The following CELF2 variants were observed in gnomAD, a reference collection of about 807,000 sequenced individuals.
The protein encoded by CELF2 is CUGBP Elav-like family member 2.
In CELF2, 8 loss-of-function variants were observed where a neutral mutation model predicts 62.6. The ratio of observed to expected loss-of-function variants is 0.13; its 90% confidence interval spans 0.07 to 0.23. The LOEUF is 0.23. Among genes scored for constraint, CELF2 ranks in the 10% least tolerant of loss-of-function variants. The pLI, the probability that CELF2 is intolerant of heterozygous loss-of-function variation, is 1.00. For synonymous variants in CELF2, 258 were observed against 250.0 expected (o/e 1.03, Z -0.30); for missense variants, 333 against 671.0 (o/e 0.50, Z 5.56).
intron 1 of CELF2, among the ~76,000 whole-genome samples, chr10:10,841,871 A>G (rs1404669971): frequency 6.6e-6 from 1 of 152,116 alleles, no homozygotes; most frequent in Non-Finnish European, 1.5e-5. Context: ...GAATCTATAA[A>G]TCAAATTGGG....
At chr10:11,009,332 TGTGTGC>T (rs58501351) in intron 1 of CELF2, among the ~76,000 whole-genome samples, 35,032 of 151,510 alleles carry the variant, frequency 0.23, 7,414 homozygotes, top group African/African-American at 0.57. Flanking sequence ...TGTGTGTGTG[TGTGTGC>T]GCGTGTGTGT....
chr10:10,852,529 T>G (rs1470618971), intron 1 of CELF2, among the ~76,000 whole-genome samples: 1 of 152,196 alleles, frequency 6.6e-6, no homozygotes, highest in African/African-American at 2.4e-5. Context: ...GTATCTTGAC[T>G]GGGTGGTAGA....
the CELF2 span, among the ~76,000 whole-genome samples, chr10:10,729,327 C>T: frequency 1.7e-4 from 26 of 152,190 alleles, no homozygotes; most frequent in African/African-American, 5.8e-4. Flanking sequence ...AGAAATACAG[C>T]GAATCAAATA....
chr10:10,646,389 A>T, the CELF2 span, among the ~76,000 whole-genome samples: 30 of 152,222 alleles, frequency 2.0e-4, no homozygotes, highest in African/African-American at 7.0e-4. Flanking sequence ...GCTCATCCAC[A>T]AATCTCTCGT....
Position 11,255,559 on chromosome 10 carries a change from C to T in CELF2, c.404-2179C>T, listed in dbSNP as rs1451289598. 1.3e-5 allele frequency among the ~76,000 whole-genome samples: 2 copies of T among 152,146 alleles called. No homozygotes were observed. Among genetic ancestry groups the T allele is most frequent in the African/African-American group, 4.8e-5 (2 of 41,436 alleles). ...TTCTCAAACACCTGGGTGCACGATT[C>T]GTAGTTTACAAGTATTGTGGAATCG... On this transcript the variant is annotated intron_variant, in intron 4 of 12. Coordinates refer to ENST00000633077, the MANE Select transcript of CELF2 (RefSeq NM_001326342.2). This position sits in a 1 kb window ranked among gnomAD's most constrained non-coding sequence, Gnocchi z 5.5.
the CELF2 span, among the ~76,000 whole-genome samples, chr10:10,759,828 G>A: frequency 6.6e-6 from 1 of 152,176 alleles, no homozygotes; most frequent in South Asian, 2.1e-4. Flanking sequence ...ATCATACAGA[G>A]AAGACAAATT....
At chr10:10,904,623 G>C (rs1027414609) in intron 1 of CELF2, among the ~76,000 whole-genome samples, 1 of 152,124 alleles carries the variant, frequency 6.6e-6, no homozygotes, top group African/African-American at 2.4e-5. Flanking sequence ...CATAGCCATG[G>C]CCTTATTCCT....
intron 1 of CELF2, among the ~76,000 whole-genome samples, chr10:10,835,943 T>C (rs957913815): frequency 1.3e-5 from 2 of 152,050 alleles, no homozygotes; most frequent in African/African-American, 4.8e-5. Context: ...GGTAGTGCCG[T>C]TTATGAAAAT....
rs1338862441 is a variant in CELF2 at position 11,102,264 on chromosome 10, G to A, written c.75-63222G>A. 2.0e-5 allele frequency: 3 copies of A among 152,236 alleles called. No homozygotes were observed. The South Asian group carries it at 6.2e-4, about 32-fold the overall frequency. 9.4% of individuals were successfully genotyped at this position (152,236 alleles called of 1,614,324 possible). A position where few individuals can be genotyped will look rare whatever the true frequency, so the allele number is the denominator to read the frequency against. On this transcript the variant is annotated intron_variant, in intron 1 of 12. Transcript: ENST00000633077. ...AGTCCATGGCAAAAATAGGACTTCA[G>A]TGGATTTCAAGATACTTGCCCGACT...
At chr10:10,478,036 C>T in the CELF2 span, among the ~76,000 whole-genome samples, 1 of 152,234 alleles carries the variant, frequency 6.6e-6, no homozygotes, top group Admixed American at 6.5e-5. Context: ...CATTGACAAG[C>T]ATCAGTTAAA....
chr10:10,727,170 G>A, the CELF2 span, among the ~76,000 whole-genome samples: 1 of 152,144 alleles, frequency 6.6e-6, no homozygotes, highest in East Asian at 1.9e-4. Flanking sequence ...ATTTGTGTGG[G>A]GACACAGATC....
rs539000762 is a variant in CELF2 at position 10,952,773 on chromosome 10, G to A, written c.89+32774G>A. 3.3e-5 allele frequency among the ~76,000 whole-genome samples: 5 copies of A among 152,234 alleles called. No individual in the cohort carries two copies. In the South Asian group the frequency reaches 8.3e-4, roughly 25 times the overall value. On this transcript the variant is annotated intron_variant, in intron 2 of 13. Transcript: ENST00000636488. Reference sequence around the variant, plus strand: ...TTGTATAATGTAATTATGGCCAATGGCCTTATAGGAGAGAAGTGTAGTTGA... The same window carrying A: ...TTGTATAATGTAATTATGGCCAATGACCTTATAGGAGAGAAGTGTAGTTGA...
rs1008224838 is a variant in CELF2, at chr10:11,177,882, G to T, written c.271+12200G>T. On this transcript the variant is annotated intron_variant, in intron 2 of 12. Coordinates refer to ENST00000633077, the MANE Select transcript of CELF2 (RefSeq NM_001326342.2). This position sits in a 1 kb window ranked among gnomAD's most constrained non-coding sequence, Gnocchi z 4.8. Reference sequence around the variant, plus strand: ...GAGGCTGCGGAGAGTGTTGTAGGCAGTTGCAGTGCCCGTCACTCTCTGGGT... The same window carrying T: ...GAGGCTGCGGAGAGTGTTGTAGGCATTTGCAGTGCCCGTCACTCTCTGGGT... Among the ~76,000 whole-genome samples, 1 of 152,164 alleles carries T rather than the reference G, an allele frequency of 6.6e-6. No homozygotes were observed. Among genetic ancestry groups the T allele is most frequent in the African/African-American group, 2.4e-5 (1 of 41,424 alleles).
intron 2 of CELF2, among the ~76,000 whole-genome samples, chr10:11,208,364 A>G (rs778426000): frequency 3.9e-5 from 6 of 152,172 alleles, no homozygotes; most frequent in Non-Finnish European, 7.3e-5. Context: ...AGACCCAAAG[A>G]TACAGGGGAA....
the CELF2 span, among the ~76,000 whole-genome samples, chr10:10,690,800 A>C: frequency 9.1e-3 from 1,391 of 152,250 alleles, 23 homozygotes; most frequent in African/African-American, 0.032. Flanking sequence ...GAATCACTTG[A>C]ACTGGGGAGG....
chr10:10,848,059 G>A (rs1382991754), intron 1 of CELF2, among the ~76,000 whole-genome samples: 8 of 151,872 alleles, frequency 5.3e-5, no homozygotes, highest in Non-Finnish European at 1.0e-4. Context: ...AGGTCTATAA[G>A]TCCATCAGAT....
At chr10:10,910,077 T>C (rs764123236) in intron 1 of CELF2, among the ~76,000 whole-genome samples, 2 of 152,244 alleles carry the variant, frequency 1.3e-5, no homozygotes, top group Non-Finnish European at 2.9e-5. Flanking sequence ...AGAGTAGAGA[T>C]GATTTTCTCT....
intron 3 of CELF2, among the ~76,000 whole-genome samples, chr10:11,225,426 C>T (rs2066187030): frequency 6.6e-6 from 1 of 152,220 alleles, no homozygotes; most frequent in Admixed American, 6.5e-5. Context: ...CTCTTCTTTG[C>T]TGTCCATGCA....
rs139456501 is a variant in CELF2 at position 11,257,146 on chromosome 10, C to T, written c.404-592C>T. On this transcript the variant is annotated intron_variant, in intron 4 of 12. Transcript: ENST00000633077. ...AGGTACTTTCCTAGCTCCCCAGAGA[C>T]GTAAGAATCTCTCTGATCTCTTATT... Among the ~76,000 whole-genome samples, 190 of 152,146 alleles carry T rather than the reference C, an allele frequency of 1.2e-3. 1 individual carries two copies. The highest frequency in any genetic ancestry group is 2.4e-3 in the Non-Finnish European group (161 of 67,990).
Sources: allele counts gnomAD v4.1 joint callset (sites outside exome capture counted in the v4.1 genomes callset), GRCh38; gene constraint gnomAD v4.1.1; non-coding constraint Gnocchi (gnomAD v3.1); transcripts MANE v1.5; gene names NCBI Gene and HGNC (gene_info 2026-07-23, HGNC 2026-07-21).